Variants in TRAP1 observed in about 807,000 individuals in gnomAD.
TRAP1 encodes heat shock protein 75 kDa, mitochondrial.
A neutral mutation model predicts 89.1 loss-of-function variants in TRAP1; 102 were observed. The observed-to-expected ratio is 1.15, with a 90% CI of 0.98 to 1.35. The LOEUF (loss-of-function observed/expected upper bound fraction) is 1.35, where lower values mean the gene tolerates loss of function less well. Ranked by LOEUF, TRAP1 falls within the 40% of genes most tolerant of loss-of-function variation. The pLI is 0.00. For missense variants in TRAP1, 1,256 were observed against 945.3 expected, an observed-to-expected ratio of 1.33 and a Z score of -4.31; for synonymous variants, 508 against 388.0, an observed-to-expected ratio of 1.31 and a Z score of -3.64.
rs538622007 is a variant in TRAP1, at chr16:3,707,562, A to G, written c.88+9859T>C. Among the ~76,000 whole-genome samples the G allele has an allele frequency of 2.8e-4, 43 of 151,914 alleles. No homozygotes were observed. In the Middle Eastern group the frequency reaches 0.014, roughly 48 times the overall value. On this transcript the variant is annotated intron_variant, in intron 1 of 17. Coordinates refer to ENST00000246957, the MANE Select transcript of TRAP1 (RefSeq NM_016292.3). ...AAGGACCACATAAAAATTTAAGTCA[A>G]AAGACAAACACCCGGGTGAGGTGGC...
chr16:3,709,465 A>G (rs1172156582), intron 1 of TRAP1, among the ~76,000 whole-genome samples: 2 of 152,212 alleles, frequency 1.3e-5, no homozygotes, highest in Admixed American at 6.6e-5. Context: ...GCCGTCTGTT[A>G]TCTTGGGGAA....
At chr16:3,713,154 T>C (rs530072963) in intron 1 of TRAP1, among the ~76,000 whole-genome samples, 8 of 152,102 alleles carry the variant, frequency 5.3e-5, no homozygotes, top group African/African-American at 1.9e-4. Flanking sequence ...ACTACTCCCC[T>C]CCACTCTGAA....
At chr16:3,688,780 G>C (rs1173865447) in intron 3 of TRAP1, among the ~76,000 whole-genome samples, 2 of 152,096 alleles carry the variant, frequency 1.3e-5, no homozygotes, top group Non-Finnish European at 2.9e-5. Context: ...CACCACACCA[G>C]GCCTGTATTT....
At chr16:3,675,684 G>A (rs1442121929) in intron 7 of TRAP1, among the ~76,000 whole-genome samples, 2 of 152,324 alleles carry the variant, frequency 1.3e-5, no homozygotes, top group South Asian at 4.1e-4. Flanking sequence ...ACTCCTGGGG[G>A]TACTCAGGGC....
intron 4 of TRAP1, among the ~76,000 whole-genome samples, chr16:3,684,259 C>G (rs186766484): frequency 3.9e-4 from 60 of 152,186 alleles, no homozygotes; most frequent in African/African-American, 1.3e-3. Flanking sequence ...ATTTTGCCAC[C>G]GGAATGATAC....
chr16:3,671,898 C>G, intron 10 of TRAP1, 107 bp from the exon 11 acceptor site: 3 of 1,203,384 alleles, frequency 2.5e-6, no homozygotes, highest in Non-Finnish European at 3.6e-6. Flanking sequence ...CAACCCAGCA[C>G]GTGTGCTAAG....
At chr16:3,666,690 C>CA (rs1170495592) in intron 11 of TRAP1, among the ~76,000 whole-genome samples, 4 of 152,078 alleles carry the variant, frequency 2.6e-5, no homozygotes, top group Admixed American at 2.0e-4. Flanking sequence ...AAAGAATGCA[C>CA]ATTCTACATG....
chr16:3,661,701 G>A (rs1261236933), intron 16 of TRAP1: 1 of 360,488 alleles, frequency 2.8e-6, no homozygotes, highest in Non-Finnish European at 5.0e-6. Context: ...GCAAAACTGA[G>A]CATGTCCAGG....
chr16:3,676,183 G>T (rs34276322), intron 6 of TRAP1, 38 bp from the exon 7 acceptor site: 975 of 1,575,592 alleles, frequency 6.2e-4, no homozygotes, highest in Non-Finnish European at 7.7e-4. Flanking sequence ...AGGTGGATGT[G>T]ACACTGGGAC....
intron 1 of TRAP1, among the ~76,000 whole-genome samples, chr16:3,691,613 G>A (rs2051215554): frequency 6.6e-6 from 1 of 151,954 alleles, no homozygotes; most frequent in Non-Finnish European, 1.5e-5. Flanking sequence ...GACCCTCGCA[G>A]CCCCTGCAGA....
rs1352012253 is a variant in TRAP1 at position 3,717,451 on chromosome 16, G to A, written c.58C>T (p.Arg20Trp). 8.6e-6 allele frequency: 11 copies of A among 1,280,560 alleles called. 1 individual carries two copies. Among genetic ancestry groups the A allele is most frequent in the South Asian group, 8.2e-5 (3 of 36,650 alleles). 79.3% of individuals were successfully genotyped at this position (1,280,560 alleles called of 1,614,324 possible). A position where few individuals can be genotyped will look rare whatever the true frequency, so the allele number is the denominator to read the frequency against. ...LWGRRLRPLLRAPALAAVPGG... is the reference protein window; with the variant it reads ...LWGRRLRPLLWAPALAAVPGG... Reference sequence around the variant, plus strand: ...GGCACGGCCGCCAGCGCCGGCGCCCGCAGCAAAGGCCGCAGGCGGCGGCCC... The same window carrying A: ...GGCACGGCCGCCAGCGCCGGCGCCCACAGCAAAGGCCGCAGGCGGCGGCCC... Residue 20 changes from arginine (R) to tryptophan (W), a missense_variant, in exon 1 of 18, where the codon CGG (arginine) becomes TGG (tryptophan). Physicochemically the swap from Arg to Trp is moderately radical, Grantham distance 101. Transcript: ENST00000246957.
chr16:3,713,311 G>A (rs1278243610), intron 1 of TRAP1, among the ~76,000 whole-genome samples: 1 of 152,194 alleles, frequency 6.6e-6, no homozygotes, highest in Admixed American at 6.6e-5. Flanking sequence ...AGTACTGAAG[G>A]GGAGGGCGCA....
intron 1 of TRAP1, among the ~76,000 whole-genome samples, chr16:3,710,756 C>T (rs780134821): frequency 3.1e-4 from 47 of 151,972 alleles, no homozygotes; most frequent in Non-Finnish European, 5.0e-4. Context: ...GGACCCACGT[C>T]CTTCTGTCTT....
chr16:3,710,868 TATATATA>T (rs2051519489), intron 1 of TRAP1, among the ~76,000 whole-genome samples: 1 of 112,000 alleles, frequency 8.9e-6, no homozygotes, highest in Middle Eastern at 3.8e-3. Flanking sequence ...TATATATATA[TATATATA>T]TATATTTTTT....
rs973462955 is a variant in TRAP1 at position 3,672,091 on chromosome 16, G to A, written c.1166-300C>T. On this transcript the variant is annotated intron_variant, in intron 10 of 17. Transcript: ENST00000246957. ...AGTGTCTGACGCCTGTAATCCCAGC[G>A]CTTTGGGAGGCCGAGGTGGGCGGAT... Among the ~76,000 whole-genome samples, 4 of 152,024 alleles carry A rather than the reference G, an allele frequency of 2.6e-5. No homozygotes were observed. In the East Asian group the frequency reaches 5.8e-4, roughly 22 times the overall value.
At chr16:3,672,557 C>T (rs530723250) in intron 10 of TRAP1, 143 bp downstream of exon 10, 651 of 1,338,872 alleles carry the variant, frequency 4.9e-4, no homozygotes, top group Non-Finnish European at 5.6e-4. Flanking sequence ...TCTGTAAACG[C>T]GACTGACACA....
chr16:3,677,202 T>A (rs1017168993), intron 6 of TRAP1, among the ~76,000 whole-genome samples: 5 of 151,840 alleles, frequency 3.3e-5, no homozygotes, highest in Non-Finnish European at 5.9e-5. Flanking sequence ...GGCTGCATAG[T>A]GTCCACCAGG....
chr16:3,665,821 C>G, intron 12 of TRAP1, 150 bp downstream of exon 12: 1 of 991,834 alleles, frequency 1.0e-6, no homozygotes, highest in South Asian at 1.7e-5. Flanking sequence ...AGAAGCCTGG[C>G]CTTCCATTTC....
chr16:3,691,721 CTG>C (rs1373432316), intron 1 of TRAP1, among the ~76,000 whole-genome samples: 5 of 151,640 alleles, frequency 3.3e-5, no homozygotes, highest in African/African-American at 1.2e-4. Flanking sequence ...TATTCTGAAA[CTG>C]TCTCATCTTC....
Sources: gnomAD v4.1 joint callset for allele counts (sites outside exome capture counted in the v4.1 genomes callset) on GRCh38, gnomAD v4.1.1 for gene constraint, MANE v1.5 for transcripts, NCBI Gene and HGNC (gene_info 2026-07-23, HGNC 2026-07-21) for gene names.